KLHL29: variants seen among roughly 807,000 people sequenced by gnomAD.
KLHL29 encodes kelch-like protein 29.
A neutral mutation model predicts 80.4 loss-of-function variants in KLHL29; 21 were observed. That is an observed-to-expected ratio of 0.26 (90% CI 0.19 to 0.38). The LOEUF is 0.38. Ranked by LOEUF, KLHL29 falls within the 10% of genes least tolerant of loss-of-function variation. The pLI is 1.00. For synonymous variants in KLHL29, 511 were observed against 526.8 expected (o/e 0.97, Z 0.41); for missense variants, 867 against 1,223.9 (o/e 0.71, Z 4.35).
intron 2 of KLHL29, among the ~76,000 whole-genome samples, chr2:23,556,981 A>G (rs1298797406): frequency 6.6e-6 from 1 of 152,226 alleles, no homozygotes; most frequent in Admixed American, 6.5e-5. Context: ...GGTCCCCTCC[A>G]TACAAAGGGA....
At chr2:23,461,834 A>T (rs1362885986) in intron 1 of KLHL29, among the ~76,000 whole-genome samples, 1 of 151,978 alleles carries the variant, frequency 6.6e-6, no homozygotes, top group Non-Finnish European at 1.5e-5. Flanking sequence ...AGGGTTTTTA[A>T]TTGCGGTGGT....
chr2:23,705,970 G>A lies in KLHL29; in HGVS notation c.2445-511G>A, dbSNP rs373431873. On this transcript the variant is annotated intron_variant, in intron 13 of 13. Coordinates refer to ENST00000486442, the MANE Select transcript of KLHL29 (RefSeq NM_052920.2). ...ATCGGTCACCCTGCAGAGCATGCCC[G>A]GCCCTTGCAATCCTGGGTGGGCAGC... Among the ~76,000 whole-genome samples, 66 of 152,318 alleles carry A rather than the reference G, an allele frequency of 4.3e-4. 1 individual carries two copies. In the East Asian group the frequency reaches 9.1e-3, roughly 21 times the overall value.
chr2:23,518,240 G>T (rs79701594), intron 2 of KLHL29, among the ~76,000 whole-genome samples: 2,184 of 152,290 alleles, frequency 0.014, 45 homozygotes, highest in African/African-American at 0.05. Flanking sequence ...TGACCCTGAC[G>T]CTGTAAATGT....
chr2:23,593,126 C>T (rs1263866098), intron 3 of KLHL29, among the ~76,000 whole-genome samples: 2 of 152,164 alleles, frequency 1.3e-5, no homozygotes, highest in African/African-American at 2.4e-5. Context: ...CACCCCAGCT[C>T]CCGGGAGTCC....
rs922232405 is a variant in KLHL29 at position 23,457,750 on chromosome 2, A to G, written c.-153-17810A>G. Among the ~76,000 whole-genome samples, 4 of 152,186 alleles carry G rather than the reference A, an allele frequency of 2.6e-5. No homozygotes were observed. The highest frequency in any genetic ancestry group is 4.4e-5 in the Non-Finnish European group (3 of 68,024). On this transcript the variant is annotated intron_variant, in intron 1 of 13. Transcript: ENST00000486442. This position sits in a 1 kb window ranked among gnomAD's most constrained non-coding sequence, Gnocchi z 4.3. ...AACGTAAGGCCGGGCGCGGTGGCTC[A>G]CACCTGTAATCCCAGCACTTTGGGA...
At chr2:23,463,653 G>T (rs1572337070) in intron 1 of KLHL29, among the ~76,000 whole-genome samples, 1 of 152,226 alleles carries the variant, frequency 6.6e-6, no homozygotes, top group South Asian at 2.1e-4. Context: ...TTTGGGCCCC[G>T]CAAGAACTCT....
intron 1 of KLHL29, among the ~76,000 whole-genome samples, chr2:23,400,729 A>C (rs1666580712): frequency 6.6e-6 from 1 of 152,182 alleles, no homozygotes; most frequent in African/African-American, 2.4e-5. Context: ...AGTCCCAGCT[A>C]CTTGGGAGGC....
intron 2 of KLHL29, among the ~76,000 whole-genome samples, chr2:23,538,851 A>C (rs1666752443): frequency 6.6e-6 from 1 of 152,254 alleles, no homozygotes; most frequent in Non-Finnish European, 1.5e-5. Context: ...GTGACTGACA[A>C]AACAAATAGG....
chr2:23,558,888 C>T (rs34569905), intron 2 of KLHL29, among the ~76,000 whole-genome samples: 1,890 of 152,326 alleles, frequency 0.012, 43 homozygotes, highest in African/African-American at 0.042. Flanking sequence ...TACTGAACAC[C>T]CTTCTTTGCC....
intron 2 of KLHL29, among the ~76,000 whole-genome samples, chr2:23,543,550 C>A (rs557597637): frequency 3.3e-5 from 5 of 152,280 alleles, no homozygotes; most frequent in East Asian, 3.9e-4. Flanking sequence ...TATGTCCCTG[C>A]CCTCTGAAGT....
intron 2 of KLHL29, among the ~76,000 whole-genome samples, chr2:23,540,496 C>A (rs1666803028): frequency 6.6e-6 from 1 of 152,184 alleles, no homozygotes; most frequent in Non-Finnish European, 1.5e-5. Context: ...TCCTTCTCTC[C>A]AAATCCTCCC....
intron 5 of KLHL29, among the ~76,000 whole-genome samples, chr2:23,664,591 C>T (rs562566809): frequency 6.6e-5 from 10 of 152,226 alleles, no homozygotes; most frequent in Non-Finnish European, 1.5e-4. Flanking sequence ...TCCTAACAGT[C>T]TTGGGTTTGT....
At chr2:23,608,759 A>G (rs912939004) in intron 3 of KLHL29, among the ~76,000 whole-genome samples, 2 of 152,188 alleles carry the variant, frequency 1.3e-5, no homozygotes, top group East Asian at 1.9e-4. Context: ...CGCACAGAGC[A>G]CTCAATACAA....
chr2:23,628,302 T>A (rs1669373006), intron 3 of KLHL29, among the ~76,000 whole-genome samples: 1 of 152,158 alleles, frequency 6.6e-6, no homozygotes, highest in Non-Finnish European at 1.5e-5. Context: ...TTGGGGTTTT[T>A]TCTGGCTCTG....
chr2:23,433,323 G>A (rs1663236739), intron 1 of KLHL29, among the ~76,000 whole-genome samples: 1 of 152,238 alleles, frequency 6.6e-6, no homozygotes, highest in African/African-American at 2.4e-5. Context: ...AAAGCTGCTA[G>A]GGCATTCCCC....
At chr2:23,701,922 G>A (rs377636133) in intron 11 of KLHL29, among the ~76,000 whole-genome samples, 6 of 149,722 alleles carry the variant, frequency 4.0e-5, no homozygotes, top group South Asian at 2.1e-4. Context: ...TGCCTCAGCC[G>A]GGTAGCTGGG....
intron 1 of KLHL29, among the ~76,000 whole-genome samples, chr2:23,433,233 T>A (rs531390930): frequency 3.8e-4 from 53 of 137,730 alleles, no homozygotes; most frequent in African/African-American, 1.4e-3. Context: ...AAGAGTAAGT[T>A]CTATGGCAAG....
rs535245133 is a variant in KLHL29, at chr2:23,406,108, C to A, written c.-154+20328C>A. The stretch of plus-strand genomic sequence containing the variant: ...CTTTGGGAGGCCAAGGCAGGCGGAT[C>A]ATTTGAGGTCAGAAGTTCGATACCA... On this transcript the variant is annotated intron_variant, in intron 1 of 13. Coordinates refer to ENST00000486442, the MANE Select transcript of KLHL29 (RefSeq NM_052920.2). Among the ~76,000 whole-genome samples, 8 of 152,236 alleles carry A rather than the reference C, an allele frequency of 5.3e-5. No homozygotes were observed. The South Asian group carries it at 1.7e-3, about 32-fold the overall frequency.
chr2:23,568,990 A>G (rs1487110252), intron 3 of KLHL29, among the ~76,000 whole-genome samples: 1 of 152,202 alleles, frequency 6.6e-6, no homozygotes, highest in African/African-American at 2.4e-5. Context: ...CTGCTAGGGA[A>G]CAGACTGTCC....
Sources: allele counts gnomAD v4.1 joint callset (sites outside exome capture counted in the v4.1 genomes callset), GRCh38; gene constraint gnomAD v4.1.1; non-coding constraint Gnocchi (gnomAD v3.1); transcripts MANE v1.5; gene names NCBI Gene and HGNC (gene_info 2026-07-23, HGNC 2026-07-21).